The following HMCN2 variants were observed in gnomAD, a reference collection of about 807,000 sequenced individuals.
The protein encoded by HMCN2 is hemicentin-2.
Under a neutral mutation model 377.5 loss-of-function variants are expected in HMCN2, and 325 were observed. That is an observed-to-expected ratio of 0.86 (90% CI 0.79 to 0.94). The LOEUF (loss-of-function observed/expected upper bound fraction) is 0.94. Among genes scored for constraint, HMCN2 ranks in the 40% least tolerant of loss-of-function variants. HMCN2 has a pLI of 0.00. For synonymous variants in HMCN2, 2,007 were observed against 2,046.8 expected (o/e 0.98, Z 0.53); for missense variants, 4,543 against 4,725.3 (o/e 0.96, Z 1.13).
At chr9:130,416,927 T>G (rs1382748051) in intron 85 of HMCN2, among the ~76,000 whole-genome samples, 1 of 151,880 alleles carries the variant, frequency 6.6e-6, no homozygotes, top group Non-Finnish European at 1.5e-5. Context: ...TATTTATTTA[T>G]TTAGAGATGG....
intron 34 of HMCN2, among the ~76,000 whole-genome samples, chr9:130,356,990 A>G (rs1381524013): frequency 6.6e-6 from 1 of 150,512 alleles, no homozygotes; most frequent in East Asian, 2.0e-4. Context: ...GGAAAGGTGG[A>G]GGGATGGGTA....
At chr9:130,395,487 T>C in intron 71 of HMCN2, 140 bp downstream of exon 71, 1 of 682,150 alleles carries the variant, frequency 1.5e-6, no homozygotes, top group South Asian at 1.9e-5. Context: ...CCGGGTGTCA[T>C]ACCCCCCGCC....
intron 5 of HMCN2, among the ~76,000 whole-genome samples, chr9:130,295,258 A>G (rs1554931630): frequency 2.0e-5 from 3 of 152,114 alleles, no homozygotes; most frequent in African/African-American, 7.2e-5. Context: ...CGGTCCCTGC[A>G]TCGTGAGACT....
chr9:130,299,609 A>G (rs1836370389), intron 8 of HMCN2, among the ~76,000 whole-genome samples: 1 of 150,106 alleles, frequency 6.7e-6, no homozygotes, highest in South Asian at 2.1e-4. Flanking sequence ...TCATCCACTC[A>G]TGCACCCACC....
intron 40 of HMCN2, among the ~76,000 whole-genome samples, chr9:130,363,724 G>GTTTTCTCCT (rs1444223344): frequency 1.3e-5 from 2 of 151,406 alleles, no homozygotes; most frequent in African/African-American, 4.9e-5. Context: ...TCGAAAGGCT[G>GTTTTCTCCT]AAGCAGGAGA....
rs571112188 is a variant in HMCN2 at position 130,403,890 on chromosome 9, G to A, written c.12148+15G>A. The stretch of plus-strand genomic sequence containing the variant: ...GGTGGTGCAAGGTGGGAGTGAGGAC[G>A]GGGCCGAGGTGGGCCCTGGCAACTG... On this transcript the variant is annotated intron_variant, in intron 80 of 97. Transcript: ENST00000683500. The A allele has an allele frequency of 8.6e-6, 11 of 1,285,522 alleles. No homozygotes were observed. Among genetic ancestry groups the A allele is most frequent in the Middle Eastern group, 2.1e-4 (1 of 4,676 alleles). 79.6% of individuals were successfully genotyped at this position (1,285,522 alleles called of 1,614,324 possible).
At chr9:130,272,344 A>C (rs1834448493) in intron 1 of HMCN2, among the ~76,000 whole-genome samples, 1 of 148,378 alleles carries the variant, frequency 6.7e-6, no homozygotes, top group Non-Finnish European at 1.5e-5. Context: ...GGGTTTAAGG[A>C]ATTCTCCTGC....
rs1840172421 is a variant in HMCN2, at chr9:130,358,496, T to C, written c.5677+10T>C. ...GCGCTGAAAGTTTTGGGTGAGGACG[T>C]GGGTAACCAGCAGGGCCCAGGCCAG... On this transcript the variant is annotated intron_variant, in intron 36 of 97. Transcript: ENST00000683500. The C allele has an allele frequency of 7.7e-7, 1 of 1,304,174 alleles. No individual in the cohort carries two copies. Among genetic ancestry groups the C allele is most frequent in the Non-Finnish European group, 1.0e-6 (1 of 988,950 alleles). 80.8% of individuals were successfully genotyped at this position (1,304,174 alleles called of 1,614,324 possible). A position where few individuals can be genotyped will look rare whatever the true frequency, so the allele number is the denominator to read the frequency against.
chr9:130,383,753 TG>T (rs1262847047), intron 57 of HMCN2, among the ~76,000 whole-genome samples, 153 bp downstream of exon 57: 1 of 152,170 alleles, frequency 6.6e-6, no homozygotes, highest in African/African-American at 2.4e-5. Flanking sequence ...AGAGAGCATT[TG>T]GGGGGCCCTG....
chr9:130,431,486 G>A lies in HMCN2; in HGVS notation c.14767G>A (p.Asp4923Asn), dbSNP rs1844755207. The change falls in exon 96 of 98, where the codon GAC becomes AAC. Residue 4923 changes from aspartate (D) to asparagine (N), a missense_variant and splice_region_variant. By Grantham distance (23) the Asp-to-Asn change is conservative (BLOSUM62 1). This residue lies in a region of HMCN2 where 1,155 missense variants were observed against 1,157.7 expected (regional missense o/e 1.00). Transcript: ENST00000683500. ...GCTCCCCAGCGGGAAGAACTGCCAG[G>A]GTGAGCCGGGCTCAGGCCGCCGCCC... is the stretch of plus-strand genomic sequence containing the variant. Reference protein sequence around the residue: ...RLLPSGKNCQDINECEEESIE... With the variant: ...RLLPSGKNCQNINECEEESIE... 2 of 1,548,576 alleles carry A rather than the reference G, an allele frequency of 1.3e-6. No individual in the cohort carries two copies. The highest frequency in any genetic ancestry group is 4.9e-5 in the East Asian group (2 of 40,926).
intron 85 of HMCN2, among the ~76,000 whole-genome samples, chr9:130,415,057 G>A (rs972706072): frequency 2.0e-5 from 3 of 152,032 alleles, no homozygotes; most frequent in Non-Finnish European, 4.4e-5. Flanking sequence ...AACTCCCACC[G>A]ATCCCCAGCA....
Position 130,398,700 on chromosome 9 carries a change from G to A in HMCN2, c.11476G>A (p.Ala3826Thr), listed in dbSNP as rs769094580. The change falls in exon 75 of 98, where the codon GCC (alanine) becomes ACC (threonine). Residue 3826 changes from alanine to threonine, a missense_variant. Coordinates refer to ENST00000683500, the MANE Select transcript of HMCN2 (RefSeq NM_001291815.2). Reference protein sequence around the residue: ...QKLDFRLQQGAYRLLPSNALL... With the variant: ...QKLDFRLQQGTYRLLPSNALL... Reference sequence around the variant, plus strand: ...GCTGGACTTCCGCCTGCAGCAGGGCGCCTACCGGTAACGAGCTGGACTTTG... The same window carrying A: ...GCTGGACTTCCGCCTGCAGCAGGGCACCTACCGGTAACGAGCTGGACTTTG... 2.7e-5 allele frequency: 35 copies of A among 1,289,154 alleles called. No homozygotes were observed. The highest frequency in any genetic ancestry group is 2.3e-4 in the South Asian group (19 of 80,962). The allele number at this position is 1,289,154 out of a possible 1,614,324, so 79.9% of individuals were successfully genotyped here.
At position 130,407,556 on chromosome 9, in the gene HMCN2, C is replaced by T. The variant is rs1472377987; in HGVS notation, c.12554-15C>T. On this transcript the variant is annotated splice_polypyrimidine_tract_variant and intron_variant, in intron 82 of 97. Coordinates refer to ENST00000683500, the MANE Select transcript of HMCN2 (RefSeq NM_001291815.2). The stretch of plus-strand genomic sequence containing the variant: ...CAGGAGTTCCCTGCACCCGACTTCT[C>T]TTTCTCCACCACAGAAGGGGTGTCT... 3.9e-6 allele frequency: 5 copies of T among 1,289,102 alleles called. No individual in the cohort carries two copies. The highest frequency in any genetic ancestry group is 5.1e-6 in the Non-Finnish European group (5 of 988,558). The allele number at this position is 1,289,102 out of a possible 1,614,324, so 79.9% of individuals were successfully genotyped here.
At position 130,285,310 on chromosome 9, in the gene HMCN2, A is replaced by G. The variant is rs1360865406; in HGVS notation, c.483A>G (p.Gln161=). The change falls in exon 3 of 98, where the codon CAA becomes CAG. Residue 161 remains glutamine, a synonymous_variant. Coordinates refer to ENST00000683500, the MANE Select transcript of HMCN2 (RefSeq NM_001291815.2). ...EELLRLLQLK[Q]SQVVFVLTGD... is the part of the protein sequence containing the mutation. Reference sequence around the variant, plus strand: ...TGCTGCGGCTCCTGCAGCTCAAGCAATCACAGGTGGGTGAGCCGGCTGTGG... The same window carrying G: ...TGCTGCGGCTCCTGCAGCTCAAGCAGTCACAGGTGGGTGAGCCGGCTGTGG... 6.4e-6 allele frequency: 3 copies of G among 471,020 alleles called. No individual in the cohort carries two copies. The highest frequency in any genetic ancestry group is 1.5e-5 in the South Asian group (1 of 64,572). 29.2% of individuals were successfully genotyped at this position (471,020 alleles called of 1,614,324 possible).
At chr9:130,388,590 A>T in intron 62 of HMCN2, 50 bp downstream of exon 62, 1 of 985,212 alleles carries the variant, frequency 1.0e-6, no homozygotes, top group Non-Finnish European at 1.2e-6. Context: ...CCTTTCTTTA[A>T]TAAGATGACA....
intron 82 of HMCN2, 136 bp downstream of exon 82, chr9:130,406,304 C>T (rs11244201): frequency 0.72 from 493,028 of 689,506 alleles, 184,503 homozygotes; most frequent in Non-Finnish European, 0.8. Context: ...GGTCTTCCAA[C>T]GTGGCCCTAT....
intron 4 of HMCN2, among the ~76,000 whole-genome samples, chr9:130,291,022 C>T (rs1394233130): frequency 6.6e-6 from 1 of 152,108 alleles, no homozygotes; most frequent in East Asian, 1.9e-4. Flanking sequence ...CTTTTAAAAC[C>T]CATATTCATG....
chr9:130,429,513 C>T, intron 93 of HMCN2, 44 bp from the exon 94 acceptor site: 2 of 1,548,870 alleles, frequency 1.3e-6, no homozygotes, highest in African/African-American at 1.4e-5. Context: ...GGGAGGGGCC[C>T]TGGGCTAGAC....
At chr9:130,354,736 C>T (rs1303955662) in intron 31 of HMCN2, 27 bp from the exon 32 acceptor site, 7 of 1,271,246 alleles carry the variant, frequency 5.5e-6, no homozygotes, top group Non-Finnish European at 7.2e-6. Context: ...GCTGTGGTCC[C>T]CAAGCCGCCC....
Sources: gnomAD v4.1 joint callset for allele counts (sites outside exome capture counted in the v4.1 genomes callset) on GRCh38, gnomAD v4.1.1 for gene constraint, gnomAD v4.1.1 regional missense constraint, MANE v1.5 for transcripts, NCBI Gene and HGNC (gene_info 2026-07-23, HGNC 2026-07-21) for gene names.